TTYH2: variants seen among roughly 807,000 people sequenced by gnomAD.
The protein encoded by TTYH2 is tweety family member 2.
Under a neutral mutation model 68.3 loss-of-function variants are expected in TTYH2, and 49 were observed. The observed-to-expected ratio is 0.72, with a 90% CI of 0.57 to 0.91. TTYH2 has a LOEUF of 0.91. TTYH2 is among the 40% of genes least tolerant of loss of function. The pLI, the probability that TTYH2 is intolerant of heterozygous loss-of-function variation, is 0.00. For synonymous variants in TTYH2, 272 were observed against 300.8 expected, an observed-to-expected ratio of 0.90 and a Z score of 0.99; for missense variants, 631 against 700.4, an observed-to-expected ratio of 0.90 and a Z score of 1.12.
chr17:74,223,882 C>T (rs888061541), intron 2 of TTYH2, among the ~76,000 whole-genome samples: 5 of 152,154 alleles, frequency 3.3e-5, no homozygotes, highest in Admixed American at 1.3e-4. Flanking sequence ...TTCTTGATCT[C>T]GTCCTGCCTG....
rs1406082819 is a variant in TTYH2, at chr17:74,222,620, A to G, written c.265A>G (p.Ile89Val). 2 of 1,611,484 alleles carry G rather than the reference A, an allele frequency of 1.2e-6. No homozygotes were observed. The highest frequency in any genetic ancestry group is 2.2e-5 in the East Asian group (1 of 44,882). The change falls in exon 2 of 14, where the codon ATC (isoleucine) becomes GTC (valine). Residue 89 changes from isoleucine to valine, a missense_variant. Transcript: ENST00000269346. This position sits in a 1 kb window ranked among gnomAD's most constrained non-coding sequence, Gnocchi z 5.2. ...VQTKQHHSCC[I>V]TWTAVVAGLI... Reference sequence around the variant, plus strand: ...GACCAAGCAGCACCACTCCTGCTGCATCACCTGGACGGCCGTGGTGGCCGG... The same window carrying G: ...GACCAAGCAGCACCACTCCTGCTGCGTCACCTGGACGGCCGTGGTGGCCGG...
chr17:74,248,528 G>T, intron 6 of TTYH2: 2 of 994,066 alleles, frequency 2.0e-6, no homozygotes, highest in Non-Finnish European at 1.2e-6. Context: ...AGAGTTTGGG[G>T]GAGGCTTCAT....
intron 10 of TTYH2, 44 bp from the exon 11 acceptor site, chr17:74,252,190 G>T: frequency 6.2e-7 from 1 of 1,606,420 alleles, no homozygotes; most frequent in Non-Finnish European, 8.5e-7. Flanking sequence ...CGCAGGCTTT[G>T]CCCCCGCTCC....
Position 74,253,261 on chromosome 17 carries a change from G to C in TTYH2, c.1440G>C (p.Glu480Asp). Reference protein sequence around the residue: ...AQTISNAPVSEYMNQAMLFGR... With the variant: ...AQTISNAPVSDYMNQAMLFGR... The stretch of plus-strand genomic sequence containing the variant: ...CCATCTCCAACGCCCCTGTCTCCGA[G>C]TACATGTACGGCCTGCACACACACC... Residue 480 changes from glutamate to aspartate, a missense_variant, in exon 12 of 14, where the codon GAG becomes GAC. Physicochemically the swap from Glu to Asp is conservative, Grantham distance 45. Coordinates refer to ENST00000269346, the MANE Select transcript of TTYH2 (RefSeq NM_032646.6). The C allele has an allele frequency of 1.3e-6, 2 of 1,597,196 alleles. No homozygotes were observed.
intron 1 of TTYH2, among the ~76,000 whole-genome samples, chr17:74,216,020 G>A (rs2050219072): frequency 6.6e-6 from 1 of 152,222 alleles, no homozygotes; most frequent in Non-Finnish European, 1.5e-5. Flanking sequence ...GTGTGACCAC[G>A]GGTAGGTGTC....
intron 6 of TTYH2, among the ~76,000 whole-genome samples, chr17:74,246,186 C>T (rs1013306810): frequency 6.6e-6 from 1 of 152,136 alleles, no homozygotes; most frequent in Admixed American, 6.5e-5. Context: ...AGCCTGGGGA[C>T]AGAGAACTTC....
intron 2 of TTYH2, 89 bp from the exon 3 acceptor site, chr17:74,230,799 C>A: frequency 7.4e-7 from 1 of 1,355,018 alleles, no homozygotes; most frequent in Non-Finnish European, 1.0e-6. Context: ...CATGAGCCAC[C>A]GCACCCAACC....
Position 74,244,054 on chromosome 17 carries a change from G to T in TTYH2, c.804+5G>T. 1 of 1,610,450 alleles carries T rather than the reference G, an allele frequency of 6.2e-7. No homozygotes were observed. Reference sequence around the variant, plus strand: ...GCTGATGGCTCTGCGGCAGTGGTGAGTTGGGGGAGGGAGTGGGTGGTGGGT... The same window carrying T: ...GCTGATGGCTCTGCGGCAGTGGTGATTTGGGGGAGGGAGTGGGTGGTGGGT... On this transcript the variant is annotated splice_donor_5th_base_variant and intron_variant, in intron 6 of 13. Transcript: ENST00000269346.
At chr17:74,253,656 C>A in intron 12 of TTYH2, 99 bp from the exon 13 acceptor site, 1 of 1,177,434 alleles carries the variant, frequency 8.5e-7, no homozygotes, top group Non-Finnish European at 1.3e-6. Context: ...TTCCATCCCC[C>A]ACCTCCCATG....
Position 74,232,451 on chromosome 17 carries a change from G to A in TTYH2, c.414+1452G>A, listed in dbSNP as rs566385748. ...TTAGCTGAGCGCTGAGTCCCAGTGC[G>A]GAGATGCTAGTCTGGAACAGCCTTG... On this transcript the variant is annotated intron_variant, in intron 3 of 13. Transcript: ENST00000269346. The surrounding 1 kb of genome is among the most constrained non-coding windows in gnomAD (Gnocchi z 5.1). Among the ~76,000 whole-genome samples the A allele has an allele frequency of 6.6e-6, 1 of 152,334 alleles. No individual in the cohort carries two copies. Among genetic ancestry groups the A allele is most frequent in the African/African-American group, 2.4e-5 (1 of 41,580 alleles).
chr17:74,253,534 G>C (rs2050659578), intron 12 of TTYH2, among the ~76,000 whole-genome samples: 1 of 152,172 alleles, frequency 6.6e-6, no homozygotes, highest in African/African-American at 2.4e-5. Flanking sequence ...CATTTCTCCA[G>C]GCCATGCTGC....
chr17:74,247,666 C>G (rs1220244443), intron 6 of TTYH2, among the ~76,000 whole-genome samples: 1 of 152,160 alleles, frequency 6.6e-6, no homozygotes, highest in African/African-American at 2.4e-5. Flanking sequence ...CCAAGGCTTC[C>G]CCATCCTCCA....
chr17:74,226,274 G>A (rs1182297623), intron 2 of TTYH2, among the ~76,000 whole-genome samples: 2 of 152,174 alleles, frequency 1.3e-5, no homozygotes, highest in Non-Finnish European at 2.9e-5. Flanking sequence ...AGAGAAGGGG[G>A]CTGGGGCCAA....
intron 13 of TTYH2, chr17:74,257,002 C>T (rs546397945): frequency 5.9e-5 from 9 of 152,222 alleles, no homozygotes; most frequent in Non-Finnish European, 1.2e-4. Context: ...AATCAGAAGC[C>T]TCCCGGGTTC....
Position 74,252,177 on chromosome 17 carries a change from G to T in TTYH2, c.1117-57G>T. 11 of 1,600,310 alleles carry T rather than the reference G, an allele frequency of 6.9e-6. No homozygotes were observed. The South Asian group carries it at 1.1e-4, about 16-fold the overall frequency. On this transcript the variant is annotated intron_variant, in intron 10 of 13. Transcript: ENST00000269346. Reference sequence around the variant, plus strand: ...AGAGGGACTTCCAGAGGAGAGCTCGGCCCGCAGGCTTTGCCCCCGCTCCTT... The same window carrying T: ...AGAGGGACTTCCAGAGGAGAGCTCGTCCCGCAGGCTTTGCCCCCGCTCCTT...
chr17:74,246,600 C>A (rs561785359), intron 6 of TTYH2, among the ~76,000 whole-genome samples: 23 of 152,332 alleles, frequency 1.5e-4, no homozygotes, highest in African/African-American at 5.1e-4. Flanking sequence ...CAGCCTCTCC[C>A]ACCTGCCCCA....
chr17:74,225,818 A>C (rs2050323829), intron 2 of TTYH2, among the ~76,000 whole-genome samples: 1 of 151,796 alleles, frequency 6.6e-6, no homozygotes, highest in Non-Finnish European at 1.5e-5. Flanking sequence ...GTGAGGGATC[A>C]ACCCCTGTAA....
intron 3 of TTYH2, among the ~76,000 whole-genome samples, chr17:74,236,721 G>A (rs1225208860): frequency 6.6e-6 from 1 of 152,154 alleles, no homozygotes; most frequent in Admixed American, 6.5e-5. Context: ...CTCTCTCGGA[G>A]CCCAGATCCT....
chr17:74,260,061 C>T (rs183522317), intron 13 of TTYH2, 68 bp from the exon 14 acceptor site: 94 of 1,428,722 alleles, frequency 6.6e-5, no homozygotes, highest in East Asian at 6.1e-4. Flanking sequence ...GAGAAGTCCC[C>T]GGCACCTTTG....
Sources: allele counts gnomAD v4.1 joint callset (sites outside exome capture counted in the v4.1 genomes callset), GRCh38; gene constraint gnomAD v4.1.1; non-coding constraint Gnocchi (gnomAD v3.1); transcripts MANE v1.5; gene names NCBI Gene and HGNC (gene_info 2026-07-23, HGNC 2026-07-21).